The following CHLSN variants were observed in gnomAD, a reference collection of about 807,000 sequenced individuals.
CHLSN encodes protein cholesin.
the CHLSN span, chr7:1,023,046 G>A: frequency 3.1e-5 from 14 of 451,246 alleles, 1 homozygote; most frequent in Non-Finnish European, 4.0e-5. The surrounding 1 kb of genome is among the most constrained non-coding windows in gnomAD (Gnocchi z 5.0). Context: ...AGCACAGGAC[G>A]CTTCCTGCCA....
At chr7:1,096,004 C>T in the CHLSN span, among the ~76,000 whole-genome samples, 1 of 152,328 alleles carries the variant, frequency 6.6e-6, no homozygotes, top group Admixed American at 6.5e-5. This position sits in a 1 kb window ranked among gnomAD's most constrained non-coding sequence, Gnocchi z 4.6. Context: ...TGCGTCTGAA[C>T]AGAGCCCCAG....
chr7:1,012,914 G>GACC, the CHLSN span, among the ~76,000 whole-genome samples: 1 of 152,366 alleles, frequency 6.6e-6, no homozygotes, highest in East Asian at 1.9e-4. Context: ...CCAAGGCTGT[G>GACC]ACCACGACGT....
the CHLSN span, among the ~76,000 whole-genome samples, chr7:1,050,065 G>A: frequency 6.6e-6 from 1 of 152,226 alleles, no homozygotes; most frequent in African/African-American, 2.4e-5. Flanking sequence ...CCCCTCAGCG[G>A]GCCCCACTCT....
chr7:1,009,803 C>T, the CHLSN span: 20 of 698,138 alleles, frequency 2.9e-5, no homozygotes, highest in South Asian at 1.1e-4. Context: ...GAAAGGGCAG[C>T]GGCGGCAGCA....
chr7:1,022,249 C>T, the CHLSN span, among the ~76,000 whole-genome samples: 23 of 152,312 alleles, frequency 1.5e-4, no homozygotes, highest in South Asian at 4.3e-3. Context: ...ATGTCCCCAC[C>T]CACGGGCGCC....
At chr7:1,127,456 A>G in the CHLSN span, 4 of 1,430,904 alleles carry the variant, frequency 2.8e-6, no homozygotes, top group Non-Finnish European at 3.7e-6. Context: ...ATTTTTAAAT[A>G]AAAAGAGGTA....
the CHLSN span, chr7:1,092,699 A>C: frequency 6.2e-7 from 1 of 1,612,970 alleles, no homozygotes; most frequent in Non-Finnish European, 8.5e-7. Flanking sequence ...CCCCTCATCT[A>C]CAGCTTTCTC....
the CHLSN span, among the ~76,000 whole-genome samples, chr7:981,099 C>G: frequency 2.0e-5 from 3 of 151,784 alleles, no homozygotes; most frequent in Admixed American, 2.0e-4. Context: ...AGCTCGAGAT[C>G]AGCCTGGCCA....
the CHLSN span, among the ~76,000 whole-genome samples, chr7:1,008,436 G>A: frequency 9.8e-4 from 150 of 152,320 alleles, no homozygotes; most frequent in African/African-American, 3.6e-3. Flanking sequence ...GAGCAAGAAA[G>A]AGCTCTTGGG....
At chr7:986,932 C>T in the CHLSN span, 1 of 1,320,410 alleles carries the variant, frequency 7.6e-7, no homozygotes, top group African/African-American at 1.5e-5. Flanking sequence ...CTCTCAGAGC[C>T]TCAGTCTCCT....
chr7:1,040,873 G>T, the CHLSN span, among the ~76,000 whole-genome samples: 1 of 152,222 alleles, frequency 6.6e-6, no homozygotes, highest in East Asian at 1.9e-4. Flanking sequence ...GGCGCAGCTC[G>T]GAGCAGGGCT....
chr7:1,114,496 C>A, the CHLSN span, among the ~76,000 whole-genome samples: 1 of 152,244 alleles, frequency 6.6e-6, no homozygotes, highest in East Asian at 1.9e-4. Context: ...GTCAAGTCCC[C>A]GGCAGCCTCT....
At chr7:1,051,864 G>C in the CHLSN span, among the ~76,000 whole-genome samples, 7 of 152,234 alleles carry the variant, frequency 4.6e-5, no homozygotes, top group South Asian at 6.2e-4. Flanking sequence ...TGTAGTCCCA[G>C]CTTCTTGGGA....
At chr7:1,018,978 C>T in the CHLSN span, among the ~76,000 whole-genome samples, 1 of 152,018 alleles carries the variant, frequency 6.6e-6, no homozygotes, top group Non-Finnish European at 1.5e-5. Flanking sequence ...GGTGGATCAT[C>T]TGAGTCAGGA....
At chr7:1,061,054 G>A in the CHLSN span, among the ~76,000 whole-genome samples, 1 of 152,188 alleles carries the variant, frequency 6.6e-6, no homozygotes, top group Non-Finnish European at 1.5e-5. Context: ...CCCAGGAAAG[G>A]GGCGGACCCC....
chr7:1,082,892 G>A, the CHLSN span, among the ~76,000 whole-genome samples: 3 of 152,200 alleles, frequency 2.0e-5, no homozygotes, highest in Admixed American at 6.5e-5. Context: ...CCAAAGAAAG[G>A]GTTCACGATG....
At chr7:986,501 G>A in the CHLSN span, 135 of 1,158,622 alleles carry the variant, frequency 1.2e-4, 2 homozygotes, top group South Asian at 1.6e-3. Flanking sequence ...TTCTGTGGCC[G>A]CCTCCAGCAC....
chr7:1,093,137 T>G, the CHLSN span: 1 of 622,790 alleles, frequency 1.6e-6, no homozygotes, highest in Non-Finnish European at 3.1e-6. Flanking sequence ...ACCCAGCTCC[T>G]CCCCGCCAAC....
chr7:1,059,864 T>C, the CHLSN span, among the ~76,000 whole-genome samples: 1 of 39,670 alleles, frequency 2.5e-5, no homozygotes, highest in Non-Finnish European at 4.7e-5. Flanking sequence ...GTGGGGCGGG[T>C]CTGTAGTGGG....
Sources: gnomAD v4.1 joint callset for allele counts (sites outside exome capture counted in the v4.1 genomes callset) on GRCh38, gnomAD v4.1.1 for gene constraint, Gnocchi (gnomAD v3.1) non-coding constraint, MANE v1.5 for transcripts, NCBI Gene and HGNC (gene_info 2026-07-23, HGNC 2026-07-21) for gene names.